The following NTNG1 variants were observed in gnomAD, a reference collection of about 807,000 sequenced individuals.
NTNG1 encodes netrin G1, also known as netrin-G1.
A neutral mutation model predicts 54.0 loss-of-function variants in NTNG1; 16 were observed. That is an observed-to-expected ratio of 0.30 (90% CI 0.20 to 0.45). The LOEUF (loss-of-function observed/expected upper bound fraction) is 0.45, where lower values mean the gene tolerates loss of function less well. Ranked by LOEUF, NTNG1 falls within the 20% of genes least tolerant of loss-of-function variation. The pLI is 1.00. For missense variants in NTNG1, 530 were observed against 678.7 expected (o/e 0.78, Z 2.43); for synonymous variants, 255 against 263.1 (o/e 0.97, Z 0.30).
intron 2 of NTNG1, among the ~76,000 whole-genome samples, chr1:107,308,357 A>G (rs1275385404): frequency 6.6e-6 from 1 of 152,092 alleles, no homozygotes; most frequent in Non-Finnish European, 1.5e-5. Flanking sequence ...TCCAGTTTCA[A>G]TCTTCTGCAT....
chr1:107,232,617 C>T (rs1447095338), intron 2 of NTNG1, among the ~76,000 whole-genome samples: 1 of 152,024 alleles, frequency 6.6e-6, no homozygotes, highest in Admixed American at 6.6e-5. Flanking sequence ...TAAAGTCTGC[C>T]TGCTGTTCGT....
At chr1:107,420,826 T>A (rs541870197) in intron 5 of NTNG1, among the ~76,000 whole-genome samples, 2 of 152,026 alleles carry the variant, frequency 1.3e-5, no homozygotes, top group African/African-American at 4.8e-5. Context: ...AATCCTTGCT[T>A]CACTGGATTC....
chr1:107,374,036 A>G (rs908070039), intron 3 of NTNG1, among the ~76,000 whole-genome samples: 9 of 152,148 alleles, frequency 5.9e-5, no homozygotes, highest in Admixed American at 5.9e-4. Flanking sequence ...TTTACTGGGT[A>G]GAGAGTCCTA....
At chr1:107,242,104 G>A (rs776984991) in intron 2 of NTNG1, among the ~76,000 whole-genome samples, 10 of 151,972 alleles carry the variant, frequency 6.6e-5, no homozygotes, top group Non-Finnish European at 1.5e-4. Context: ...GCAAAACCCT[G>A]TCTTTACAAA....
chr1:107,263,880 T>C (rs1298710224), intron 2 of NTNG1, among the ~76,000 whole-genome samples: 1 of 152,240 alleles, frequency 6.6e-6, no homozygotes, highest in South Asian at 2.1e-4. Flanking sequence ...AGAAATGTTA[T>C]AGTACAATCC....
chr1:107,184,272 T>C (rs975227023), intron 2 of NTNG1, among the ~76,000 whole-genome samples: 1 of 152,074 alleles, frequency 6.6e-6, no homozygotes, highest in Non-Finnish European at 1.5e-5. Flanking sequence ...CATACCACCA[T>C]GCACTGGGGG....
chr1:107,334,761 C>T (rs879084946), intron 3 of NTNG1, among the ~76,000 whole-genome samples: 3 of 151,948 alleles, frequency 2.0e-5, no homozygotes, highest in South Asian at 2.1e-4. Flanking sequence ...ATCTGCGTCC[C>T]GTGCCTACAA....
intron 7 of NTNG1, among the ~76,000 whole-genome samples, chr1:107,456,848 G>A (rs998003592): frequency 2.0e-5 from 3 of 152,190 alleles, no homozygotes; most frequent in Non-Finnish European, 1.5e-5. Context: ...CAGATACTCT[G>A]TCATAAAATC....
At chr1:107,446,119 A>T (rs1005429964) in intron 7 of NTNG1, among the ~76,000 whole-genome samples, 29 of 152,248 alleles carry the variant, frequency 1.9e-4, no homozygotes, top group Middle Eastern at 6.8e-3. Flanking sequence ...TTTCATTAAA[A>T]TGTGTCCTCT....
intron 2 of NTNG1, among the ~76,000 whole-genome samples, chr1:107,315,284 A>G (rs1022959192): frequency 2.0e-5 from 3 of 152,058 alleles, no homozygotes; most frequent in Non-Finnish European, 2.9e-5. Context: ...AGCCACCAAC[A>G]TGCCTCATTC....
At chr1:107,206,281 C>T (rs1259292782) in intron 2 of NTNG1, among the ~76,000 whole-genome samples, 1 of 152,122 alleles carries the variant, frequency 6.6e-6, no homozygotes, top group Non-Finnish European at 1.5e-5. Context: ...TCTAGCTGCC[C>T]CATATCCTCA....
At chr1:107,164,937 CCT>C (rs1655668076) in intron 2 of NTNG1, among the ~76,000 whole-genome samples, 1 of 152,040 alleles carries the variant, frequency 6.6e-6, no homozygotes, top group Non-Finnish European at 1.5e-5. Flanking sequence ...GTGTGGTTCC[CCT>C]GTTGGCTAGG....
At chr1:107,169,708 C>T (rs1026376431) in intron 2 of NTNG1, among the ~76,000 whole-genome samples, 2 of 152,298 alleles carry the variant, frequency 1.3e-5, no homozygotes, top group Admixed American at 6.5e-5. Context: ...TCTGACACAA[C>T]CCCCAGGACG....
At chr1:107,245,710 G>A (rs929779891) in intron 2 of NTNG1, among the ~76,000 whole-genome samples, 4 of 152,152 alleles carry the variant, frequency 2.6e-5, no homozygotes, top group African/African-American at 4.8e-5. Context: ...AAGCAAATGC[G>A]TAGGGATTAA....
chr1:107,289,101 G>A (rs1665407254), intron 2 of NTNG1, among the ~76,000 whole-genome samples: 1 of 152,086 alleles, frequency 6.6e-6, no homozygotes, highest in African/African-American at 2.4e-5. Context: ...GAGAAACACA[G>A]ACCATCAGAA....
intron 6 of NTNG1, among the ~76,000 whole-genome samples, chr1:107,432,403 C>A (rs1253112378): frequency 6.6e-6 from 1 of 152,206 alleles, no homozygotes; most frequent in Non-Finnish European, 1.5e-5. Flanking sequence ...AGCTTAAACA[C>A]TTTCAACCAC....
intron 2 of NTNG1, among the ~76,000 whole-genome samples, chr1:107,261,844 A>AAAAAC (rs1203582792): frequency 1.1e-4 from 17 of 152,362 alleles, no homozygotes; most frequent in African/African-American, 3.8e-4. Context: ...CTCCGTCTCA[A>AAAAAC]AAAACAAAAC....
intron 7 of NTNG1, among the ~76,000 whole-genome samples, chr1:107,480,012 A>G (rs1214622594): frequency 6.6e-6 from 1 of 152,056 alleles, no homozygotes; most frequent in Admixed American, 6.5e-5. Context: ...CCTCCCATGA[A>G]ACAAGCTTTC....
At chr1:107,287,056 T>C (rs6694986) in intron 2 of NTNG1, among the ~76,000 whole-genome samples, 54,426 of 151,904 alleles carry the variant, frequency 0.36, 10,453 homozygotes, top group East Asian at 0.49. Flanking sequence ...TTCTGAGGCA[T>C]TTTGAAGGCT....
Sources: allele counts gnomAD v4.1 joint callset (sites outside exome capture counted in the v4.1 genomes callset), GRCh38; gene constraint gnomAD v4.1.1; transcripts MANE v1.5; gene names NCBI Gene and HGNC (gene_info 2026-07-23, HGNC 2026-07-21).